Variants in MRPL44 observed in about 807,000 individuals in gnomAD.
MRPL44 encodes large ribosomal subunit protein mL44.
A neutral mutation model predicts 25.9 loss-of-function variants in MRPL44; 21 were observed. The ratio of observed to expected loss-of-function variants is 0.81; its 90% CI spans 0.58 to 1.17. The LOEUF is 1.17. Among genes scored for constraint, MRPL44 ranks in the 50% most tolerant of loss-of-function variants. The probability of loss-of-function intolerance (pLI) is 0.00; values close to 1 mark genes in which losing one functional copy is unlikely to be tolerated. For synonymous variants in MRPL44, 169 were observed against 151.0 expected, an observed-to-expected ratio of 1.12 and a Z score of -0.87; for missense variants, 410 against 398.9, an observed-to-expected ratio of 1.03 and a Z score of -0.24.
chr2:223,960,990 T>C (rs550069098), intron 2 of MRPL44, among the ~76,000 whole-genome samples: 169 of 152,262 alleles, frequency 1.1e-3, no homozygotes, highest in Admixed American at 2.4e-3. Context: ...TGTGTCTAAG[T>C]TGAGCTTTGA....
At chr2:223,961,151 C>T (rs1689654226) in intron 2 of MRPL44, among the ~76,000 whole-genome samples, 1 of 152,176 alleles carries the variant, frequency 6.6e-6, no homozygotes, top group African/African-American at 2.4e-5. Context: ...GCTCATTATT[C>T]AGATGGAATG....
chr2:223,962,438 CTCCATCCATCCA>C (rs111442003), intron 2 of MRPL44, among the ~76,000 whole-genome samples: 16 of 151,890 alleles, frequency 1.1e-4, no homozygotes, highest in African/African-American at 2.4e-4. Context: ...TTCCCTCTGC[CTCCATCCATCCA>C]TCCATCCATC....
rs1689703032 is a variant in MRPL44, at chr2:223,963,824, G to A, written c.717G>A (p.Gly239=). 7 of 1,613,754 alleles carry A rather than the reference G, an allele frequency of 4.3e-6. No individual in the cohort carries two copies. Among genetic ancestry groups the A allele is most frequent in the Middle Eastern group, 1.6e-4 (1 of 6,062 alleles). The change falls in exon 3 of 4, where the codon GGG becomes GGA. Residue 239 remains glycine, a synonymous_variant. Coordinates refer to ENST00000258383, the MANE Select transcript of MRPL44 (RefSeq NM_022915.5). ...FEMWKIINPM[G]LLVEELKKRN... ...TGTGGAAGATAATAAATCCCATGGG[G>A]CTATTGGTAGAAGAACTGAAGAAAA...
chr2:223,957,396 G>T, upstream of MRPL44: 2 of 1,575,870 alleles, frequency 1.3e-6, no homozygotes, highest in Non-Finnish European at 8.7e-7. Context: ...TCCGCGTTCC[G>T]GGTTCCGGGG....
At chr2:223,960,130 G>T in intron 2 of MRPL44, 128 bp downstream of exon 2, 2 of 671,568 alleles carry the variant, frequency 3.0e-6, no homozygotes, top group South Asian at 2.1e-5. Context: ...AAGACCTAAA[G>T]GTTTTTTATG....
At chr2:223,958,169 A>G (rs1689600867) in intron 1 of MRPL44, among the ~76,000 whole-genome samples, 1 of 152,202 alleles carries the variant, frequency 6.6e-6, no homozygotes, top group African/African-American at 2.4e-5. Flanking sequence ...ACCAGATCAT[A>G]CTTTACATAA....
chr2:223,960,961 C>T (rs1220366246), intron 2 of MRPL44, among the ~76,000 whole-genome samples: 1 of 152,188 alleles, frequency 6.6e-6, no homozygotes, highest in East Asian at 1.9e-4. Flanking sequence ...TCTTATGAAA[C>T]ATAGATAATT....
intron 2 of MRPL44, among the ~76,000 whole-genome samples, chr2:223,960,598 A>G (rs1224103733): frequency 6.6e-6 from 1 of 152,192 alleles, no homozygotes; most frequent in Non-Finnish European, 1.5e-5. Flanking sequence ...TAAGTCATAA[A>G]AACAGTCTTG....
upstream of MRPL44, among the ~76,000 whole-genome samples, chr2:223,954,519 G>A (rs189955116): frequency 4.5e-3 from 688 of 152,318 alleles, 2 homozygotes; most frequent in African/African-American, 0.016. Flanking sequence ...CCAGTAGGCA[G>A]TCATCTGAAA....
upstream of MRPL44, among the ~76,000 whole-genome samples, chr2:223,955,188 C>A (rs1365172927): frequency 6.6e-6 from 1 of 152,160 alleles, no homozygotes; most frequent in African/African-American, 2.4e-5. Context: ...GCTTTTAGAT[C>A]TATCAAGTCA....
rs1263819140 is a variant in MRPL44, at chr2:223,959,845, A to ACACACT, written c.491_492insCACACT (p.Glu164delinsAspThrLeu). 6.2e-7 allele frequency: 1 copy of ACACACT among 1,614,202 alleles called. No individual in the cohort carries two copies. Among genetic ancestry groups the ACACACT allele is most frequent in the Admixed American group, 1.7e-5 (1 of 60,032 alleles). On this transcript the variant is annotated protein_altering_variant, in exon 2 of 4. Coordinates refer to ENST00000258383, the MANE Select transcript of MRPL44 (RefSeq NM_022915.5). ...CTTGTTGACTTTCTCACTGGTGAGG[A>ACACACT]AGTCGTGTGTCACGTGGCTAGAAAC...
Position 223,967,191 on chromosome 2 carries a change from G to T in MRPL44, c.*157G>T. ...TTAAATAAGTGTTAACCAAGTCACAGTGTTTTTGGTTTTGTTTTTCTGAAA... is the reference window on the plus strand; with the variant it reads ...TTAAATAAGTGTTAACCAAGTCACATTGTTTTTGGTTTTGTTTTTCTGAAA... On this transcript the variant is annotated 3_prime_UTR_variant, in exon 4 of 4. Transcript: ENST00000258383. 2.7e-6 allele frequency: 2 copies of T among 736,856 alleles called. No individual in the cohort carries two copies. Among genetic ancestry groups the T allele is most frequent in the Non-Finnish European group, 4.1e-6 (2 of 487,288 alleles). 45.6% of individuals were successfully genotyped at this position (736,856 alleles called of 1,614,324 possible).
intron 1 of MRPL44, among the ~76,000 whole-genome samples, chr2:223,958,143 G>A (rs1230995363): frequency 6.6e-6 from 1 of 152,194 alleles, no homozygotes; most frequent in Non-Finnish European, 1.5e-5. Context: ...AGAGACACAG[G>A]TTTTTATAGC....
At chr2:223,958,923 C>A (rs1689612515) in intron 1 of MRPL44, among the ~76,000 whole-genome samples, 2 of 152,138 alleles carry the variant, frequency 1.3e-5, no homozygotes. Flanking sequence ...AAAATGGTAA[C>A]ACAGAGACAC....
intron 3 of MRPL44, 127 bp from the exon 4 acceptor site, chr2:223,966,736 G>A: frequency 1.4e-6 from 1 of 734,740 alleles, no homozygotes; most frequent in South Asian, 2.8e-5. Flanking sequence ...ATCTATCAGA[G>A]CTATTGTGTT....
chr2:223,951,497 TCAGA>T, the MRPL44 span, among the ~76,000 whole-genome samples: 1 of 148,612 alleles, frequency 6.7e-6, no homozygotes, highest in South Asian at 2.1e-4. Context: ...TTTTTTTTTT[TCAGA>T]CAGAGTCTCG....
At chr2:223,952,367 G>A in the MRPL44 span, among the ~76,000 whole-genome samples, 10 of 152,232 alleles carry the variant, frequency 6.6e-5, no homozygotes, top group South Asian at 4.1e-4. Flanking sequence ...GTCCCATTCG[G>A]CTCACCTAAC....
At position 223,963,761 on chromosome 2, in the gene MRPL44, C is replaced by G; in HGVS notation, c.654C>G (p.Phe218Leu). The G allele has an allele frequency of 1.3e-6, 2 of 1,584,608 alleles. No homozygotes were observed. The highest frequency in any genetic ancestry group is 1.7e-6 in the Non-Finnish European group (2 of 1,167,310). Reference sequence around the variant, plus strand: ...AATTATATTTTTATATGCAGGACTTCTTAATTACTCAAATGACTGGAAAAG... The same window carrying G: ...AATTATATTTTTATATGCAGGACTTGTTAATTACTCAAATGACTGGAAAAG... ...PERTALFIRD[F>L]LITQMTGKEL... Residue 218 changes from phenylalanine to leucine, a missense_variant, in exon 3 of 4, where the codon TTC becomes TTG. By Grantham distance (22) the Phe-to-Leu change is conservative (BLOSUM62 0). Transcript: ENST00000258383.
At chr2:223,951,231 T>G in the MRPL44 span, among the ~76,000 whole-genome samples, 1 of 152,334 alleles carries the variant, frequency 6.6e-6, no homozygotes, top group East Asian at 1.9e-4. Flanking sequence ...TGAGTTCAAG[T>G]GGTGATAGAA....
Sources: gnomAD v4.1 joint callset for allele counts (sites outside exome capture counted in the v4.1 genomes callset) on GRCh38, gnomAD v4.1.1 for gene constraint, MANE v1.5 for transcripts, NCBI Gene and HGNC (gene_info 2026-07-23, HGNC 2026-07-21) for gene names.